STRBP: variants seen among roughly 807,000 people sequenced by gnomAD.
STRBP encodes spermatid perinuclear RNA binding protein.
STRBP carries 13 observed loss-of-function variants against 80.1 expected under a neutral mutation model. That is an observed-to-expected ratio of 0.16 (90% CI 0.11 to 0.26). The LOEUF (loss-of-function observed/expected upper bound fraction) is 0.26, where lower values mean the gene tolerates loss of function less well. Among genes scored for constraint, STRBP ranks in the 10% least tolerant of loss-of-function variants. The pLI is 1.00. For synonymous variants in STRBP, 284 were observed against 291.2 expected, an observed-to-expected ratio of 0.98 and a Z score of 0.25; for missense variants, 485 against 815.2, an observed-to-expected ratio of 0.59 and a Z score of 4.93.
chr9:123,232,185 G>A (rs1168885849), intron 2 of STRBP, among the ~76,000 whole-genome samples: 2 of 152,076 alleles, frequency 1.3e-5, no homozygotes, highest in Non-Finnish European at 2.9e-5. Context: ...GGTGGTACAT[G>A]CTTGAAATTC....
chr9:123,182,543 T>C (rs569623240), intron 3 of STRBP, among the ~76,000 whole-genome samples: 1 of 152,256 alleles, frequency 6.6e-6, no homozygotes, highest in South Asian at 2.1e-4. Context: ...TATAAAAGAA[T>C]CAGTGTGGTT....
rs374964553 is a variant in STRBP, at chr9:123,179,243, C to G, written c.4-16G>C. On this transcript the variant is annotated splice_polypyrimidine_tract_variant and intron_variant, in intron 3 of 18. Transcript: ENST00000348403. ...GAATAGATCTCTGTTAGAAGGAGAA[C>G]GAAAACAATTACTTCAACAAAAGAA... The G allele has an allele frequency of 1.9e-6, 3 of 1,586,118 alleles. No individual in the cohort carries two copies. The highest frequency in any genetic ancestry group is 1.7e-5 in the Admixed American group (1 of 59,400).
At chr9:123,159,300 C>A in intron 8 of STRBP, 93 bp from the exon 9 acceptor site, 1 of 775,354 alleles carries the variant, frequency 1.3e-6, no homozygotes, top group Non-Finnish European at 2.0e-6. Context: ...ACAAGGGAGG[C>A]CAAAGAGTGA....
At position 123,213,024 on chromosome 9, in the gene STRBP, T is replaced by C. The variant is rs567174643; in HGVS notation, c.-165+23806A>G. Among the ~76,000 whole-genome samples the C allele has an allele frequency of 1.3e-4, 20 of 152,296 alleles. No homozygotes were observed. In the East Asian group the frequency reaches 3.5e-3, roughly 26 times the overall value. On this transcript the variant is annotated intron_variant, in intron 2 of 18. Coordinates refer to ENST00000348403, the MANE Select transcript of STRBP (RefSeq NM_018387.5). Reference sequence around the variant, plus strand: ...TGTCAGGAGACCAGGGCTATAGTGTTGAAATGGCCACTCAGCCATAAAGGC... The same window carrying C: ...TGTCAGGAGACCAGGGCTATAGTGTCGAAATGGCCACTCAGCCATAAAGGC...
intron 3 of STRBP, among the ~76,000 whole-genome samples, chr9:123,182,002 G>A (rs1240523546): frequency 6.6e-6 from 1 of 151,204 alleles, no homozygotes; most frequent in African/African-American, 2.4e-5. Flanking sequence ...ATCATCAGAG[G>A]TCAGGAGTTC....
intron 11 of STRBP, among the ~76,000 whole-genome samples, chr9:123,155,396 C>G (rs2132380455): frequency 6.6e-6 from 1 of 152,200 alleles, no homozygotes; most frequent in African/African-American, 2.4e-5. Flanking sequence ...GTTCTCCAAC[C>G]ATGTTGAGCA....
chr9:123,192,617 G>C (rs954020335), intron 2 of STRBP, among the ~76,000 whole-genome samples: 1 of 152,168 alleles, frequency 6.6e-6, no homozygotes, highest in African/African-American at 2.4e-5. Flanking sequence ...AAGGGGGATA[G>C]TGCATAGGAA....
chr9:123,203,988 AAAAC>A (rs71960622), intron 2 of STRBP, among the ~76,000 whole-genome samples: 46,433 of 151,260 alleles, frequency 0.31, 10,416 homozygotes, highest in East Asian at 0.69. Context: ...ACAAAAAAAC[AAAAC>A]AAACAAACAA....
At chr9:123,264,948 T>A (rs2041237455) in intron 1 of STRBP, among the ~76,000 whole-genome samples, 1 of 152,204 alleles carries the variant, frequency 6.6e-6, no homozygotes, top group African/African-American at 2.4e-5. Flanking sequence ...CAAAGCTCAC[T>A]CTATTCATCT....
chr9:123,254,792 C>T (rs1048772083), intron 1 of STRBP, among the ~76,000 whole-genome samples: 1 of 152,054 alleles, frequency 6.6e-6, no homozygotes, highest in Admixed American at 6.5e-5. Context: ...CTACTGACTC[C>T]TATTTAATGG....
At chr9:123,261,756 G>T (rs980500246) in intron 1 of STRBP, among the ~76,000 whole-genome samples, 3 of 152,160 alleles carry the variant, frequency 2.0e-5, no homozygotes, top group Non-Finnish European at 2.9e-5. Flanking sequence ...AAAGTCTTGA[G>T]ATTTTATTCT....
At chr9:123,141,013 T>C (rs546392937) in intron 13 of STRBP, among the ~76,000 whole-genome samples, 1 of 152,352 alleles carries the variant, frequency 6.6e-6, no homozygotes, top group African/African-American at 2.4e-5. Context: ...TAGGGACAGA[T>C]TCCTAAAGAC....
chr9:123,184,296 C>T lies in STRBP; in HGVS notation c.-162G>A. The T allele has an allele frequency of 1.9e-6, 1 of 535,802 alleles. No individual in the cohort carries two copies. 33.2% of individuals were successfully genotyped at this position (535,802 alleles called of 1,614,324 possible). A position where few individuals can be genotyped will look rare whatever the true frequency, so the allele number is the denominator to read the frequency against. ...GTCTGAAGGCTTGTTCTCTGGAACA[C>T]ACCTGCAAGAGAAGAGGAAAACAAC... On this transcript the variant is annotated splice_region_variant and 5_prime_UTR_variant, in exon 3 of 19. It adds an upstream start codon to the 5' untranslated region. Transcript: ENST00000348403.
intron 11 of STRBP, among the ~76,000 whole-genome samples, chr9:123,148,744 T>C (rs908777271): frequency 6.6e-6 from 1 of 152,220 alleles, no homozygotes. Context: ...ATATCAGAGA[T>C]TTTATATCAG....
At chr9:123,152,839 G>A (rs768250611) in intron 11 of STRBP, among the ~76,000 whole-genome samples, 2 of 152,046 alleles carry the variant, frequency 1.3e-5, no homozygotes, top group Non-Finnish European at 2.9e-5. Flanking sequence ...ATCTACACAC[G>A]TAATAAAATG....
chr9:123,227,540 T>C (rs1233163770), intron 2 of STRBP, among the ~76,000 whole-genome samples: 3 of 151,664 alleles, frequency 2.0e-5, no homozygotes, highest in Non-Finnish European at 4.4e-5. Context: ...ATCTGACATA[T>C]TTATTGTTTT....
chr9:123,256,529 TA>T (rs1183845646), intron 1 of STRBP, among the ~76,000 whole-genome samples: 1 of 152,156 alleles, frequency 6.6e-6, no homozygotes, highest in Non-Finnish European at 1.5e-5. Context: ...ACCAAACTTC[TA>T]AATAAAAACC....
intron 2 of STRBP, among the ~76,000 whole-genome samples, chr9:123,198,672 G>A (rs1446945842): frequency 6.6e-6 from 1 of 151,948 alleles, no homozygotes; most frequent in African/African-American, 2.4e-5. Flanking sequence ...TCTTTGCCTA[G>A]GCCAATGTCT....
intron 2 of STRBP, among the ~76,000 whole-genome samples, chr9:123,202,856 A>G (rs1371184048): frequency 6.6e-6 from 1 of 152,204 alleles, no homozygotes; most frequent in Non-Finnish European, 1.5e-5. Context: ...ACTGAAAATT[A>G]AAATTTAAAA....
Sources: gnomAD v4.1 joint callset for allele counts (sites outside exome capture counted in the v4.1 genomes callset) on GRCh38, gnomAD v4.1.1 for gene constraint, MANE v1.5 for transcripts, NCBI Gene and HGNC (gene_info 2026-07-23, HGNC 2026-07-21) for gene names.